Variants in CHD7 observed in about 807,000 individuals in gnomAD.
CHD7 encodes chromodomain helicase DNA binding protein 7.
CHD7 carries 24 observed loss-of-function variants against 307.3 expected under a neutral mutation model. The ratio of observed to expected loss-of-function variants is 0.08; its 90% CI spans 0.06 to 0.11. The LOEUF is 0.11. Ranked by LOEUF, CHD7 falls within the 10% of genes least tolerant of loss-of-function variation. The probability of loss-of-function intolerance (pLI) is 1.00; values close to 1 mark genes in which losing one functional copy is unlikely to be tolerated. For missense variants in CHD7, 3,106 were observed against 3,727.1 expected (o/e 0.83, Z 4.34); for synonymous variants, 1,363 against 1,349.9 (o/e 1.01, Z -0.21).
At chr8:60,778,309 A>G (rs975288694) in intron 2 of CHD7, among the ~76,000 whole-genome samples, 26 of 152,218 alleles carry the variant, frequency 1.7e-4, no homozygotes, top group Admixed American at 1.7e-3. Context: ...TTCAGATAGT[A>G]CCAAAACATA....
intron 35 of CHD7, 135 bp from the exon 36 acceptor site, chr8:60,862,061 C>A (rs1806003403): frequency 8.6e-6 from 6 of 699,894 alleles, no homozygotes; most frequent in South Asian, 3.0e-5. Context: ...AATATGGTTT[C>A]TAATATTAAT....
rs201056061 is a variant in CHD7, at chr8:60,816,113, G to GTCTCTC, written c.2499-238_2499-233dup. ...GTCTCTTTTGTCTGTCTGTCTGTCT[G>GTCTCTC]TCTCTCTCTCTCTCTCTCTCTCTCT... On this transcript the variant is annotated intron_variant, in intron 7 of 37. Coordinates refer to ENST00000423902, the MANE Select transcript of CHD7 (RefSeq NM_017780.4). Among the ~76,000 whole-genome samples the GTCTCTC allele has an allele frequency of 4.2e-3, 584 of 139,288 alleles. 3 individuals are homozygous for GTCTCTC. The highest frequency in any genetic ancestry group is 0.014 in the Middle Eastern group (4 of 282). 91.4% of individuals were successfully genotyped at this position (139,288 alleles called of 152,430 possible).
intron 2 of CHD7, among the ~76,000 whole-genome samples, chr8:60,770,493 T>C (rs1289985583): frequency 6.6e-6 from 1 of 152,200 alleles, no homozygotes; most frequent in African/African-American, 2.4e-5. Context: ...TTCTGTTTCA[T>C]GTGTAGTTCC....
chr8:60,697,802 T>G (rs147026284), intron 1 of CHD7, among the ~76,000 whole-genome samples: 88 of 152,334 alleles, frequency 5.8e-4, no homozygotes, highest in African/African-American at 2.0e-3. Context: ...TTAGCAAAAA[T>G]ATGTCCCAGC....
At position 60,742,536 on chromosome 8, in the gene CHD7, C is replaced by T. The variant is rs763250461; in HGVS notation, c.1104C>T (p.His368=). The change falls in exon 2 of 38, where the codon CAC becomes CAT. Residue 368 remains histidine, a synonymous_variant. Coordinates refer to ENST00000423902, the MANE Select transcript of CHD7 (RefSeq NM_017780.4). ...GQGLMHQQPI[H]PSGSLNQMNT... ...GACTAATGCACCAGCAGCCCATCCA[C>T]CCCAGTGGCTCACTTAACCAAATGA... 52 of 1,614,026 alleles carry T rather than the reference C, an allele frequency of 3.2e-5. 1 individual carries two copies. In the South Asian group the frequency reaches 5.2e-4, roughly 16 times the overall value.
intron 6 of CHD7, 93 bp from the exon 7 acceptor site, chr8:60,808,124 C>A: frequency 1.2e-6 from 1 of 861,078 alleles, no homozygotes; most frequent in Non-Finnish European, 1.9e-6. Flanking sequence ...TCTTTTCAGT[C>A]CTATTTTGTG....
chr8:60,810,376 AGAGAGT>A (rs1812739850), intron 7 of CHD7, among the ~76,000 whole-genome samples: 1 of 136,728 alleles, frequency 7.3e-6, no homozygotes, highest in African/African-American at 2.8e-5. Flanking sequence ...TGGGAGAGAG[AGAGAGT>A]GTGTGTGTGT....
intron 1 of CHD7, among the ~76,000 whole-genome samples, chr8:60,724,329 C>T (rs1336884808): frequency 6.6e-6 from 1 of 152,172 alleles, no homozygotes; most frequent in Admixed American, 6.5e-5. Flanking sequence ...TCAGCTCCTA[C>T]AGAGATACCC....
intron 13 of CHD7, among the ~76,000 whole-genome samples, chr8:60,826,755 T>C (rs1017971693): frequency 6.6e-6 from 1 of 152,206 alleles, no homozygotes; most frequent in African/African-American, 2.4e-5. Flanking sequence ...TTGTCCCCCA[T>C]CCACGAGGAG....
rs758212430 is a variant in CHD7, at chr8:60,837,058, C to T, written c.4185+46C>T. ...TGATGCCTTTAAAAAGGAAGTCATT[C>T]TGCTTACTATGACAGAGAGTACCAG... is the stretch of plus-strand genomic sequence containing the variant. On this transcript the variant is annotated intron_variant, in intron 17 of 37. Coordinates refer to ENST00000423902, the MANE Select transcript of CHD7 (RefSeq NM_017780.4). The T allele has an allele frequency of 3.2e-5, 47 of 1,459,258 alleles. No individual in the cohort carries two copies. In the Admixed American group the frequency reaches 8.3e-4, roughly 26 times the overall value. 90.4% of individuals were successfully genotyped at this position (1,459,258 alleles called of 1,614,324 possible).
intron 1 of CHD7, among the ~76,000 whole-genome samples, chr8:60,730,523 AGTTTCAGTG>A (rs1318090711): frequency 2.0e-5 from 3 of 152,176 alleles, no homozygotes; most frequent in Admixed American, 1.3e-4. Flanking sequence ...CCAAGGTTTC[AGTTTCAGTG>A]GTTTCAGTTA....
chr8:60,841,751 G>T lies in CHD7; in HGVS notation c.4641G>T (p.Gly1547=). Residue 1547 remains glycine (G), a synonymous_variant, in exon 20 of 38, where the codon GGG becomes GGT. Transcript: ENST00000423902. ...AATTGGATATTGATGCCTTAAATGG[G>T]AGGGTGAGTAAGAAGTCCCATTCGA... The part of the protein sequence containing the change: ...KAELDIDALN[G]RNNLVIDTPR... The T allele has an allele frequency of 6.2e-7, 1 of 1,605,526 alleles. No homozygotes were observed. The highest frequency in any genetic ancestry group is 1.1e-5 in the South Asian group (1 of 90,958).
rs1292416344 is a variant in CHD7 at position 60,867,517 on chromosome 8, T to C, written c.*1584T>C. On this transcript the variant is annotated 3_prime_UTR_variant, in exon 38 of 38. Coordinates refer to ENST00000423902, the MANE Select transcript of CHD7 (RefSeq NM_017780.4). ...TAAAATATAATTTGAGATCTACTGT[T>C]TTCACCTTTTTATGTCACCTGAACC... The C allele has an allele frequency of 6.6e-6, 1 of 152,232 alleles. No individual in the cohort carries two copies. Among genetic ancestry groups the C allele is most frequent in the African/African-American group, 2.4e-5 (1 of 41,460 alleles). 9.4% of individuals were successfully genotyped at this position (152,232 alleles called of 1,614,324 possible).
intron 1 of CHD7, among the ~76,000 whole-genome samples, chr8:60,740,302 T>A (rs554223753): frequency 6.6e-6 from 1 of 152,384 alleles, no homozygotes; most frequent in South Asian, 2.1e-4. Context: ...AACTTTATTC[T>A]GTAAAAATAA....
chr8:60,710,829 G>GTT (rs1807251916), intron 1 of CHD7, among the ~76,000 whole-genome samples: 1 of 152,194 alleles, frequency 6.6e-6, no homozygotes, highest in Non-Finnish European at 1.5e-5. Context: ...GCGTAAAAAA[G>GTT]AGCTGGAAAA....
intron 6 of CHD7, among the ~76,000 whole-genome samples, chr8:60,806,185 AC>A (rs1812527649): frequency 6.6e-6 from 1 of 152,138 alleles, no homozygotes; most frequent in East Asian, 1.9e-4. Flanking sequence ...ACACGGTGAA[AC>A]CCCGTCTCTA....
intron 15 of CHD7, among the ~76,000 whole-genome samples, chr8:60,834,602 C>T (rs1024032490): frequency 3.3e-5 from 5 of 152,150 alleles, no homozygotes; most frequent in Non-Finnish European, 1.5e-5. Context: ...CTTAAAGAAA[C>T]ATTCTGAATA....
At position 60,837,031 on chromosome 8, in the gene CHD7, C is replaced by A. The variant is rs767064028; in HGVS notation, c.4185+19C>A. 1 of 1,574,858 alleles carries A rather than the reference C, an allele frequency of 6.3e-7. No individual in the cohort carries two copies. On this transcript the variant is annotated intron_variant, in intron 17 of 37. Transcript: ENST00000423902. The stretch of plus-strand genomic sequence containing the variant: ...CCTCCAGGTAAATGCACAAGAAAGT[C>A]CTGATGCCTTTAAAAAGGAAGTCAT...
intron 1 of CHD7, among the ~76,000 whole-genome samples, chr8:60,738,820 G>A (rs1668971874): frequency 6.6e-6 from 1 of 152,094 alleles, no homozygotes; most frequent in South Asian, 2.1e-4. Context: ...TGTGCCGAGC[G>A]ACATGCTTAG....
Sources: gnomAD v4.1 joint callset for allele counts (sites outside exome capture counted in the v4.1 genomes callset) on GRCh38, gnomAD v4.1.1 for gene constraint, MANE v1.5 for transcripts, NCBI Gene and HGNC (gene_info 2026-07-23, HGNC 2026-07-21) for gene names.